The following AGT variants were observed in gnomAD, a reference collection of about 807,000 sequenced individuals.
The protein encoded by AGT is angiotensinogen, also known as alpha-1 antiproteinase, antitrypsin.
AGT carries 26 observed loss-of-function variants against 28.1 expected under a neutral mutation model. That is an observed-to-expected ratio of 0.92 (90% CI 0.68 to 1.28). The LOEUF is 1.28. Among genes scored for constraint, AGT ranks in the 50% most tolerant of loss-of-function variants. The probability of loss-of-function intolerance (pLI) is 0.00; values close to 1 mark genes in which losing one functional copy is unlikely to be tolerated. For missense variants in AGT, 596 were observed against 592.3 expected, an observed-to-expected ratio of 1.01 and a Z score of -0.06; for synonymous variants, 259 against 259.6, an observed-to-expected ratio of 1.00 and a Z score of 0.02.
intron 1 of AGT, among the ~76,000 whole-genome samples, chr1:230,722,733 C>T (rs1280777082): frequency 1.3e-5 from 2 of 152,204 alleles, no homozygotes; most frequent in Admixed American, 6.5e-5. Flanking sequence ...CCAATTTATC[C>T]AACTGCCTGT....
At chr1:230,731,764 G>A (rs1247045310) in intron 1 of AGT, among the ~76,000 whole-genome samples, 1 of 152,170 alleles carries the variant, frequency 6.6e-6, no homozygotes, top group African/African-American at 2.4e-5. Context: ...TTACTCAGGA[G>A]GCTGAGGAAG....
chr1:230,737,117 C>T (rs1664169795), intron 1 of AGT, among the ~76,000 whole-genome samples: 1 of 152,086 alleles, frequency 6.6e-6, no homozygotes, highest in African/African-American at 2.4e-5. Flanking sequence ...AGTTCTTGCT[C>T]ATTTCCATGC....
chr1:230,718,145 A>G (rs557804649), upstream of AGT, among the ~76,000 whole-genome samples: 8 of 152,166 alleles, frequency 5.3e-5, no homozygotes, highest in South Asian at 1.7e-3. Context: ...GGGTCTTGCT[A>G]TGTTGCCCAG....
chr1:230,740,620 G>T (rs997390511), intron 1 of AGT, among the ~76,000 whole-genome samples: 1 of 152,096 alleles, frequency 6.6e-6, no homozygotes, highest in Non-Finnish European at 1.5e-5. Context: ...TGGTAACTGG[G>T]GACTCCAGAG....
chr1:230,717,494 A>C (rs1300531509), upstream of AGT, among the ~76,000 whole-genome samples: 1 of 152,234 alleles, frequency 6.6e-6, no homozygotes, highest in Non-Finnish European at 1.5e-5. Context: ...GAAAGAATGA[A>C]GGGTAAATAC....
intron 1 of AGT, among the ~76,000 whole-genome samples, chr1:230,729,164 GCAC>G (rs1457822243): frequency 6.6e-6 from 1 of 152,176 alleles, no homozygotes; most frequent in Non-Finnish European, 1.5e-5. Flanking sequence ...GCCATGCAGG[GCAC>G]CACCATGCCC....
At position 230,733,477 on chromosome 1, in the gene AGT, G is replaced by A. The variant is rs75535705; in HGVS notation, c.-31+12038C>T. Among the ~76,000 whole-genome samples, 992 of 152,282 alleles carry A rather than the reference G, an allele frequency of 6.5e-3. 5 individuals carry two copies. Among genetic ancestry groups the A allele is most frequent in the Non-Finnish European group, 0.011 (736 of 68,026 alleles). On this transcript the variant is annotated intron_variant, in intron 1 of 4. Coordinates refer to the AGT transcript ENST00000681269. ...AGAAATGCCACAAGGAGACTCCAGTGAGCGCCTTTAGTTGAGGTCGATTTT... is the reference window on the plus strand; with the variant it reads ...AGAAATGCCACAAGGAGACTCCAGTAAGCGCCTTTAGTTGAGGTCGATTTT...
upstream of AGT, among the ~76,000 whole-genome samples, chr1:230,718,134 A>G: frequency 6.6e-6 from 1 of 152,068 alleles, no homozygotes; most frequent in Non-Finnish European, 1.5e-5. Flanking sequence ...TTGTAGAGAT[A>G]GGGTCTTGCT....
chr1:230,734,304 T>G (rs1320378998), intron 1 of AGT, among the ~76,000 whole-genome samples: 2 of 152,086 alleles, frequency 1.3e-5, no homozygotes, highest in African/African-American at 4.8e-5. Context: ...AGACAAATGC[T>G]ATATGATTCC....
At chr1:230,705,073 G>A (rs1558285937) in intron 3 of AGT, among the ~76,000 whole-genome samples, 1 of 152,146 alleles carries the variant, frequency 6.6e-6, no homozygotes, top group Non-Finnish European at 1.5e-5. Context: ...GGACATCGTG[G>A]TGGTTGCCGG....
At chr1:230,743,480 G>T (rs907859835) in intron 1 of AGT, among the ~76,000 whole-genome samples, 3 of 152,168 alleles carry the variant, frequency 2.0e-5, no homozygotes, top group African/African-American at 7.2e-5. Context: ...CCTTCACTCT[G>T]GTTACATCTG....
chr1:230,719,406 GTTTTTTTTTTTTT>G (rs57830002), upstream of AGT, among the ~76,000 whole-genome samples: 30,003 of 100,324 alleles, frequency 0.3, 3,688 homozygotes, highest in African/African-American at 0.51. Flanking sequence ...TTATCATTAT[GTTTTTTTTTTTTT>G]TTTTTTGAGA....
chr1:230,704,786 C>T (rs559437071), intron 3 of AGT, among the ~76,000 whole-genome samples: 1 of 152,284 alleles, frequency 6.6e-6, no homozygotes, highest in Non-Finnish European at 1.5e-5. Context: ...TATGTCAACT[C>T]GATTGATCTT....
chr1:230,718,720 C>T (rs940603528), upstream of AGT, among the ~76,000 whole-genome samples: 6 of 133,428 alleles, frequency 4.5e-5, no homozygotes, highest in South Asian at 4.8e-4. Context: ...AGTTCCACAC[C>T]GCTTTTTTTT....
At chr1:230,719,133 C>T (rs997833359), upstream of AGT, among the ~76,000 whole-genome samples, 2 of 152,142 alleles carry the variant, frequency 1.3e-5, no homozygotes, top group Non-Finnish European at 2.9e-5. Context: ...CATATCCTGG[C>T]TATTGTGAAT....
In AGT at chr1:230,734,355, G is replaced by A. The variant is rs956025225; in HGVS notation, c.-31+11160C>T. On this transcript the variant is annotated intron_variant, in intron 1 of 4. Coordinates refer to the AGT transcript ENST00000681269. The stretch of plus-strand genomic sequence containing the variant: ...TTAGAATAGTCAGATTCATAGAGAC[G>A]GAAAATAGAATGGTGGTTTCCAGGG... Among the ~76,000 whole-genome samples the A allele has an allele frequency of 9.9e-5, 15 of 152,120 alleles. 1 individual carries two copies. The highest frequency in any genetic ancestry group is 2.7e-4 in the African/African-American group (11 of 41,490).
At chr1:230,718,148 T>C (rs149376170), upstream of AGT, among the ~76,000 whole-genome samples, 1,813 of 152,268 alleles carry the variant, frequency 0.012, 47 homozygotes, top group African/African-American at 0.042. Context: ...TCTTGCTATG[T>C]TGCCCAGGCT....
rs1338464184 is a variant in AGT, at chr1:230,720,094, GCA to G, written c.-30-9243_-30-9242del. Among the ~76,000 whole-genome samples the G allele has an allele frequency of 2.0e-5, 3 of 152,266 alleles. No individual in the cohort carries two copies. In the East Asian group the frequency reaches 5.8e-4, roughly 29 times the overall value. On this transcript the variant is annotated intron_variant, in intron 1 of 4. Transcript: ENST00000681269. The stretch of plus-strand genomic sequence containing the variant: ...GGAGGCCTAGAAAATCCTCAGGTTT[GCA>G]CAGTTATCTCTTCATGTTGCCTCAG...
chr1:230,712,761 G>A (rs762841859), intron 1 of AGT, among the ~76,000 whole-genome samples: 1 of 152,164 alleles, frequency 6.6e-6, no homozygotes, highest in Non-Finnish European at 1.5e-5. Flanking sequence ...TGTGATCTGC[G>A]GCTGCTCCCT....
Sources: gnomAD v4.1 joint callset for allele counts (sites outside exome capture counted in the v4.1 genomes callset) on GRCh38, gnomAD v4.1.1 for gene constraint, MANE v1.5 for transcripts, NCBI Gene and HGNC (gene_info 2026-07-23, HGNC 2026-07-21) for gene names.